Variants in RALGAPA1 observed in about 807,000 individuals in gnomAD.
RALGAPA1 encodes the protein Ral GTPase activating protein catalytic subunit alpha 1.
Under a neutral mutation model 269.6 loss-of-function variants are expected in RALGAPA1, and 52 were observed. The observed-to-expected ratio is 0.19, with a 90% CI of 0.15 to 0.24. The LOEUF (loss-of-function observed/expected upper bound fraction) is 0.24. Ranked by LOEUF, RALGAPA1 falls within the 10% of genes least tolerant of loss-of-function variation. The probability of loss-of-function intolerance (pLI) is 1.00; values close to 1 mark genes in which losing one functional copy is unlikely to be tolerated. For synonymous variants in RALGAPA1, 817 were observed against 1,008.3 expected, an observed-to-expected ratio of 0.81 and a Z score of 3.60; for missense variants, 1,917 against 3,013.9, an observed-to-expected ratio of 0.64 and a Z score of 8.52.
intron 36 of RALGAPA1, among the ~76,000 whole-genome samples, chr14:35,601,170 G>C (rs993957126): frequency 6.6e-6 from 1 of 152,186 alleles, no homozygotes; most frequent in African/African-American, 2.4e-5. Context: ...CTGGGTGATG[G>C]TAAAAGTCCC....
intron 31 of RALGAPA1, among the ~76,000 whole-genome samples, chr14:35,638,928 A>G (rs1233122682): frequency 6.6e-6 from 1 of 152,156 alleles, no homozygotes; most frequent in Admixed American, 6.5e-5. Context: ...TCTGTCTCAA[A>G]AAGAAAGAAA....
chr14:35,592,916 G>A lies in RALGAPA1; in HGVS notation c.7209+2718C>T, dbSNP rs143968516. 3.4e-4 allele frequency among the ~76,000 whole-genome samples: 52 copies of A among 152,212 alleles called. 1 individual carries two copies. The highest frequency in any genetic ancestry group is 3.4e-3 in the Middle Eastern group (1 of 294). On this transcript the variant is annotated intron_variant, in intron 37 of 41. Transcript: ENST00000680220. ...ACATTATAACCAATGAGGAAAAATC[G>A]AAAGCTTTTCTATTAACATCTGATA...
chr14:35,671,579 C>T, intron 25 of RALGAPA1, 62 bp from the exon 26 acceptor site: 1 of 850,666 alleles, frequency 1.2e-6, no homozygotes, highest in Non-Finnish European at 1.9e-6. Context: ...ATCAGCTAAT[C>T]AGTATCATTA....
chr14:35,674,748 G>A, intron 22 of RALGAPA1, 39 bp from the exon 23 acceptor site: 5 of 1,042,664 alleles, frequency 4.8e-6, no homozygotes, highest in East Asian at 2.7e-5. Flanking sequence ...ATTTTTCAGT[G>A]AACTGAACAT....
chr14:35,612,370 CA>C (rs1010725263), intron 35 of RALGAPA1, among the ~76,000 whole-genome samples: 1,861 of 63,354 alleles, frequency 0.029, 23 homozygotes, highest in African/African-American at 0.091. Context: ...AACTCTGTTT[CA>C]AAAAAAAAAA....
intron 39 of RALGAPA1, among the ~76,000 whole-genome samples, chr14:35,569,278 C>T (rs2056970315): frequency 6.6e-6 from 1 of 152,036 alleles, no homozygotes; most frequent in Admixed American, 6.5e-5. Context: ...TTATCATTTA[C>T]AGTTTATTAT....
At chr14:35,629,282 G>GTGT (rs1555381640) in intron 33 of RALGAPA1, among the ~76,000 whole-genome samples, 2,984 of 145,386 alleles carry the variant, frequency 0.021, 101 homozygotes, top group African/African-American at 0.073. Context: ...ATGTTTAGGG[G>GTGT]GTGTGTGTGT....
At position 35,646,957 on chromosome 14, in the gene RALGAPA1, A is replaced by C. The variant is rs553272424; in HGVS notation, c.5676+4848T>G. 1.8e-4 allele frequency among the ~76,000 whole-genome samples: 27 copies of C among 152,316 alleles called. No individual in the cohort carries two copies. In the East Asian group the frequency reaches 5.2e-3, roughly 29 times the overall value. On this transcript the variant is annotated intron_variant, in intron 31 of 41. Transcript: ENST00000680220. ...AAACTTGAAATTATGTTAAAAGAAAACAATTCCACCATAAAACTCAAATGG... is the reference window on the plus strand; with the variant it reads ...AAACTTGAAATTATGTTAAAAGAAACCAATTCCACCATAAAACTCAAATGG...
intron 21 of RALGAPA1, among the ~76,000 whole-genome samples, chr14:35,679,303 A>G (rs2065214071): frequency 6.6e-6 from 1 of 152,228 alleles, no homozygotes; most frequent in African/African-American, 2.4e-5. Flanking sequence ...CTACACAGTA[A>G]AGCAAAAAAC....
chr14:35,542,272 A>G (rs943907465), intron 41 of RALGAPA1: 9 of 295,678 alleles, frequency 3.0e-5, no homozygotes, highest in African/African-American at 1.8e-4. Context: ...CCACATTTCA[A>G]TTGTTCAACA....
intron 37 of RALGAPA1, among the ~76,000 whole-genome samples, chr14:35,594,380 G>C (rs1300388919): frequency 6.6e-6 from 1 of 152,120 alleles, no homozygotes; most frequent in Non-Finnish European, 1.5e-5. Context: ...TCTATTAAGG[G>C]ATTAATATCT....
intron 1 of RALGAPA1, among the ~76,000 whole-genome samples, chr14:35,789,729 A>G (rs936505508): frequency 2.0e-5 from 3 of 152,182 alleles, no homozygotes; most frequent in African/African-American, 7.2e-5. Flanking sequence ...GGGACCACTG[A>G]TATAAAGAGT....
At chr14:35,608,666 C>T (rs974247320) in intron 35 of RALGAPA1, among the ~76,000 whole-genome samples, 3 of 152,024 alleles carry the variant, frequency 2.0e-5, no homozygotes, top group Non-Finnish European at 2.9e-5. Flanking sequence ...TATATATGCA[C>T]CCAAAAACAG....
At chr14:35,723,431 A>C (rs2069610887) in intron 14 of RALGAPA1, 167 bp from the exon 15 acceptor site, 1 of 480,086 alleles carries the variant, frequency 2.1e-6, no homozygotes, top group African/African-American at 2.0e-5. Context: ...CAATCATTAG[A>C]ATCTACTATA....
Position 35,728,348 on chromosome 14 carries a change from A to T in RALGAPA1, c.1736+14T>A. The T allele has an allele frequency of 1.3e-6, 2 of 1,545,224 alleles. No individual in the cohort carries two copies. The highest frequency in any genetic ancestry group is 1.7e-6 in the Non-Finnish European group (2 of 1,150,328). ...ATAAAAACACATAGACATAAAGGAT[A>T]AAAATTTTTTTACCAAGTCTTTTTG... is the stretch of plus-strand genomic sequence containing the variant. On this transcript the variant is annotated intron_variant, in intron 13 of 41. Transcript: ENST00000680220.
chr14:35,641,814 A>G (rs1010802383), intron 31 of RALGAPA1, among the ~76,000 whole-genome samples: 1 of 152,234 alleles, frequency 6.6e-6, no homozygotes, highest in Non-Finnish European at 1.5e-5. Flanking sequence ...AAAATGAACA[A>G]AACTGGAAGA....
chr14:35,723,003 A>G (rs1170339824), intron 15 of RALGAPA1, 24 bp downstream of exon 15: 1 of 1,450,766 alleles, frequency 6.9e-7, no homozygotes. Context: ...ATTTATATAG[A>G]GCATCTCTAT....
intron 37 of RALGAPA1, among the ~76,000 whole-genome samples, chr14:35,576,099 A>G (rs1412107553): frequency 6.6e-6 from 1 of 152,094 alleles, no homozygotes; most frequent in Non-Finnish European, 1.5e-5. Flanking sequence ...AGCTCCTCTT[A>G]CAGTTTACAA....
intron 10 of RALGAPA1, among the ~76,000 whole-genome samples, chr14:35,745,866 C>T (rs985354485): frequency 6.6e-6 from 1 of 151,328 alleles, no homozygotes; most frequent in Admixed American, 6.6e-5. Flanking sequence ...GAGAGGATGG[C>T]TTTAGGCAAG....
Sources: allele counts gnomAD v4.1 joint callset (sites outside exome capture counted in the v4.1 genomes callset), GRCh38; gene constraint gnomAD v4.1.1; transcripts MANE v1.5; gene names NCBI Gene and HGNC (gene_info 2026-07-23, HGNC 2026-07-21).